The following NUF2 variants were observed in gnomAD, a reference collection of about 807,000 sequenced individuals.
NUF2 encodes the protein NUF2 component of NDC80 kinetochore complex.
In NUF2, 34 loss-of-function variants were observed where a neutral mutation model predicts 61.8. The observed-to-expected ratio is 0.55, with a 90% CI of 0.42 to 0.73. The LOEUF is 0.73. Among genes scored for constraint, NUF2 ranks in the 30% least tolerant of loss-of-function variants. NUF2 has a pLI of 0.00. For synonymous variants in NUF2, 172 were observed against 181.6 expected, an observed-to-expected ratio of 0.95 and a Z score of 0.42; for missense variants, 445 against 539.1, an observed-to-expected ratio of 0.83 and a Z score of 1.73.
At chr1:163,324,631 A>G (rs1650351026) in intron 1 of NUF2, among the ~76,000 whole-genome samples, 1 of 152,176 alleles carries the variant, frequency 6.6e-6, no homozygotes, top group South Asian at 2.1e-4. Flanking sequence ...ACTGGAGAGT[A>G]GGGGATCTGA....
intron 7 of NUF2, among the ~76,000 whole-genome samples, chr1:163,338,562 T>C (rs1247159790): frequency 6.6e-6 from 1 of 152,102 alleles, no homozygotes; most frequent in African/African-American, 2.4e-5. Flanking sequence ...TATATATATA[T>C]ATTGATTTTG....
chr1:163,343,804 TC>T lies in NUF2; in HGVS notation c.743del (p.Pro248GlnfsTer4). 1.4e-6 allele frequency: 2 copies of T among 1,443,660 alleles called. No individual in the cohort carries two copies. Among genetic ancestry groups the T allele is most frequent in the Admixed American group, 2.5e-5 (1 of 39,712 alleles). The allele number at this position is 1,443,660 out of a possible 1,614,324, so 89.4% of individuals were successfully genotyped here. On this transcript the variant is annotated frameshift_variant, in exon 10 of 14. Transcript: ENST00000271452. LOFTEE classifies it high-confidence loss of function. The stretch of plus-strand genomic sequence containing the variant: ...GTTTGAAAACAAAAATTGTGGATTC[TC>T]CAGAGAAGTTAAAGAATTATAAAGA... ...ESLKTKIVDS[P>X]EKLKNYKEKM...
intron 13 of NUF2, among the ~76,000 whole-genome samples, chr1:163,350,367 ATATT>A (rs1384589119): frequency 1.2e-4 from 18 of 152,104 alleles, no homozygotes; most frequent in Non-Finnish European, 2.6e-4. Context: ...AAATCAATAA[ATATT>A]TATGTGTTAC....
chr1:163,346,558 C>T (rs943888342), intron 11 of NUF2, among the ~76,000 whole-genome samples: 2 of 152,082 alleles, frequency 1.3e-5, no homozygotes, highest in Non-Finnish European at 2.9e-5. Flanking sequence ...AGGGATGATT[C>T]ACTTCCAGGG....
In NUF2 at chr1:163,355,578, C is replaced by A; in HGVS notation, c.*109C>A. 1.1e-6 allele frequency: 1 copy of A among 914,946 alleles called. No homozygotes were observed. The highest frequency in any genetic ancestry group is 1.6e-6 in the Non-Finnish European group (1 of 625,826). 56.7% of individuals were successfully genotyped at this position (914,946 alleles called of 1,614,324 possible). On this transcript the variant is annotated 3_prime_UTR_variant, in exon 14 of 14. Transcript: ENST00000271452. ...TATCAGAAGTACCAAATAATGTTGGCTTCATCAGTTTTTATACACTCTCAT... is the reference window on the plus strand; with the variant it reads ...TATCAGAAGTACCAAATAATGTTGGATTCATCAGTTTTTATACACTCTCAT...
At chr1:163,338,977 C>G (rs1171642975) in intron 7 of NUF2, among the ~76,000 whole-genome samples, 1 of 152,030 alleles carries the variant, frequency 6.6e-6, no homozygotes, top group African/African-American at 2.4e-5. Flanking sequence ...ATAGAAGAGA[C>G]TTGAACACGT....
intron 11 of NUF2, among the ~76,000 whole-genome samples, chr1:163,346,552 A>T (rs1453305917): frequency 6.6e-6 from 1 of 152,148 alleles, no homozygotes; most frequent in Non-Finnish European, 1.5e-5. Context: ...GGGCAAAGGG[A>T]TGATTCACTT....
At chr1:163,339,180 A>G in intron 7 of NUF2, 1 of 517,394 alleles carries the variant, frequency 1.9e-6, no homozygotes, top group Non-Finnish European at 3.4e-6. Context: ...ATAGTAGAAA[A>G]CTGAAGGAGC....
At chr1:163,328,560 G>A (rs1046660448) in intron 4 of NUF2, 14 of 505,090 alleles carry the variant, frequency 2.8e-5, no homozygotes, top group Non-Finnish European at 4.5e-5. Context: ...CCGTCTTTGT[G>A]AAGAGGTTTG....
chr1:163,346,025 A>C (rs980128217), intron 11 of NUF2: 1 of 392,618 alleles, frequency 2.5e-6, no homozygotes. Flanking sequence ...CTTCTGATGA[A>C]ATTAATAATA....
At chr1:163,332,382 T>G (rs760300881) in intron 5 of NUF2, among the ~76,000 whole-genome samples, 1 of 152,172 alleles carries the variant, frequency 6.6e-6, no homozygotes, top group Non-Finnish European at 1.5e-5. Context: ...TTCACACTTA[T>G]TTTATGGCCC....
At chr1:163,335,604 C>T (rs1262324645) in intron 5 of NUF2, among the ~76,000 whole-genome samples, 1 of 151,832 alleles carries the variant, frequency 6.6e-6, no homozygotes, top group Non-Finnish European at 1.5e-5. Context: ...CTTCCCTCCC[C>T]CTACACCCCT....
chr1:163,350,889 C>G (rs577478272), intron 13 of NUF2, among the ~76,000 whole-genome samples: 37 of 152,152 alleles, frequency 2.4e-4, no homozygotes, highest in Non-Finnish European at 4.4e-4. Context: ...ACTAGGGCAG[C>G]TTTAATTGTT....
At chr1:163,343,436 A>C (rs1651014019) in intron 9 of NUF2, among the ~76,000 whole-genome samples, 1 of 152,170 alleles carries the variant, frequency 6.6e-6, no homozygotes, top group African/African-American at 2.4e-5. Context: ...ATACTTGTCT[A>C]AACATAAGAT....
chr1:163,351,746 A>G (rs1378861005), intron 13 of NUF2, among the ~76,000 whole-genome samples: 1 of 152,222 alleles, frequency 6.6e-6, no homozygotes, highest in African/African-American at 2.4e-5. Context: ...AAAATCAAAT[A>G]CTTTTTGTCA....
intron 1 of NUF2, among the ~76,000 whole-genome samples, chr1:163,325,499 A>T (rs1301217696): frequency 6.6e-6 from 1 of 152,146 alleles, no homozygotes; most frequent in East Asian, 1.9e-4. Context: ...CAATTATATC[A>T]TCTATTCTTA....
chr1:163,341,788 C>T lies in NUF2; in HGVS notation c.669+1362C>T, dbSNP rs543004765. On this transcript the variant is annotated intron_variant, in intron 9 of 13. Transcript: ENST00000271452. Reference sequence around the variant, plus strand: ...GATTACAGGCATCCACCACCACTCCCGGCTAATTTTTTTGTATTTTTAGTA... The same window carrying T: ...GATTACAGGCATCCACCACCACTCCTGGCTAATTTTTTTGTATTTTTAGTA... Among the ~76,000 whole-genome samples the T allele has an allele frequency of 2.2e-3, 336 of 152,056 alleles. 2 individuals are homozygous for T. Among genetic ancestry groups the T allele is most frequent in the Middle Eastern group, 0.014 (4 of 294 alleles).
At chr1:163,326,404 TA>T (rs35847334) in intron 2 of NUF2, among the ~76,000 whole-genome samples, 20,658 of 147,344 alleles carry the variant, frequency 0.14, 1,626 homozygotes, top group Non-Finnish European at 0.18. Flanking sequence ...GTCGTTTTCT[TA>T]AAAAAAAAAA....
At chr1:163,326,905 C>T (rs998212997) in intron 2 of NUF2, among the ~76,000 whole-genome samples, 1 of 152,046 alleles carries the variant, frequency 6.6e-6, no homozygotes, top group Non-Finnish European at 1.5e-5. Context: ...TAATGCTCAC[C>T]CAATAAACTT....
Sources: allele counts gnomAD v4.1 joint callset (sites outside exome capture counted in the v4.1 genomes callset), GRCh38; gene constraint gnomAD v4.1.1; transcripts MANE v1.5; gene names NCBI Gene and HGNC (gene_info 2026-07-23, HGNC 2026-07-21).